Variants in CNTN3 observed in about 807,000 individuals in gnomAD.
CNTN3 encodes contactin 3.
Under a neutral mutation model 119.1 loss-of-function variants are expected in CNTN3, and 60 were observed. The ratio of observed to expected loss-of-function variants is 0.50; its 90% CI spans 0.41 to 0.62. The LOEUF (loss-of-function observed/expected upper bound fraction) is 0.62, where lower values mean the gene tolerates loss of function less well. Ranked by LOEUF, CNTN3 falls within the 20% of genes least tolerant of loss-of-function variation. The pLI is 0.00. For synonymous variants in CNTN3, 450 were observed against 438.7 expected (o/e 1.03, Z -0.32); for missense variants, 1,101 against 1,242.4 (o/e 0.89, Z 1.71).
chr3:74,594,273 CTTTTTTTTTT>C (rs59436860), intron 1 of CNTN3, among the ~76,000 whole-genome samples: 1 of 112,068 alleles, frequency 8.9e-6, no homozygotes. Context: ...TTCTTTTTTT[CTTTTTTTTTT>C]TTTTTTTACT....
At chr3:74,455,236 G>T (rs971502668) in intron 4 of CNTN3, among the ~76,000 whole-genome samples, 1 of 151,286 alleles carries the variant, frequency 6.6e-6, no homozygotes, top group Non-Finnish European at 1.5e-5. Flanking sequence ...TTCCCTTCTC[G>T]CTTCATTTCA....
At chr3:74,281,408 G>A (rs1244999314) in intron 20 of CNTN3, among the ~76,000 whole-genome samples, 1 of 152,040 alleles carries the variant, frequency 6.6e-6, no homozygotes, top group Non-Finnish European at 1.5e-5. Context: ...ACGGTTCAGT[G>A]CAGCTCTGAT....
At chr3:74,543,274 A>C (rs1319504905) in intron 1 of CNTN3, among the ~76,000 whole-genome samples, 1 of 152,196 alleles carries the variant, frequency 6.6e-6, no homozygotes, top group Non-Finnish European at 1.5e-5. Flanking sequence ...CCAAAAAATA[A>C]GATTTAAAAC....
At chr3:74,495,729 T>C (rs1703049957) in intron 3 of CNTN3, among the ~76,000 whole-genome samples, 1 of 152,080 alleles carries the variant, frequency 6.6e-6, no homozygotes, top group South Asian at 2.1e-4. Context: ...AAATTAAATA[T>C]GTGCAGGATG....
intron 4 of CNTN3, among the ~76,000 whole-genome samples, chr3:74,453,063 A>G (rs1485021856): frequency 6.6e-6 from 1 of 151,546 alleles, no homozygotes; most frequent in Non-Finnish European, 1.5e-5. Context: ...CTCTTTTTCT[A>G]TTGATTGGAA....
chr3:74,383,392 G>A (rs1162400771), intron 5 of CNTN3, among the ~76,000 whole-genome samples: 1 of 152,166 alleles, frequency 6.6e-6, no homozygotes, highest in South Asian at 2.1e-4. Flanking sequence ...GAATGAATGA[G>A]AGGCATCCTG....
chr3:74,422,218 C>T (rs1479316852), intron 5 of CNTN3, among the ~76,000 whole-genome samples: 1 of 152,172 alleles, frequency 6.6e-6, no homozygotes, highest in Non-Finnish European at 1.5e-5. Flanking sequence ...GCATTACAGA[C>T]ACTTGGATCA....
chr3:74,345,455 G>C (rs1703666618), intron 11 of CNTN3, among the ~76,000 whole-genome samples: 1 of 152,028 alleles, frequency 6.6e-6, no homozygotes, highest in Admixed American at 6.6e-5. Context: ...CTACTCCAAG[G>C]CTTCTAAAAA....
chr3:74,593,759 T>A (rs1184024828), intron 1 of CNTN3, among the ~76,000 whole-genome samples: 2 of 151,976 alleles, frequency 1.3e-5, no homozygotes, highest in African/African-American at 2.4e-5. Flanking sequence ...GGGATAAATA[T>A]TAGCTGCTGC....
At chr3:74,575,375 C>T (rs555872654) in intron 1 of CNTN3, among the ~76,000 whole-genome samples, 12 of 151,932 alleles carry the variant, frequency 7.9e-5, no homozygotes, top group Non-Finnish European at 1.8e-4. Context: ...CCTCAGCCTC[C>T]TGAGTAGCTG....
chr3:74,289,580 A>G (rs1191927531), intron 19 of CNTN3, among the ~76,000 whole-genome samples: 8 of 152,140 alleles, frequency 5.3e-5, no homozygotes, highest in Non-Finnish European at 7.3e-5. Flanking sequence ...ATCTCATCCC[A>G]AAGCCCAATA....
chr3:74,377,295 T>TTA (rs765771966), intron 5 of CNTN3, among the ~76,000 whole-genome samples: 4 of 151,956 alleles, frequency 2.6e-5, no homozygotes, highest in Non-Finnish European at 4.4e-5. Context: ...ATGACTATGT[T>TTA]TATATATATA....
chr3:74,375,545 G>A (rs1204932070), intron 5 of CNTN3, among the ~76,000 whole-genome samples: 1 of 152,120 alleles, frequency 6.6e-6, no homozygotes, highest in Non-Finnish European at 1.5e-5. Context: ...GTTCCAGATG[G>A]GCCTAATGTA....
At chr3:74,548,034 T>C (rs1423485217) in intron 1 of CNTN3, among the ~76,000 whole-genome samples, 1 of 152,170 alleles carries the variant, frequency 6.6e-6, no homozygotes. Flanking sequence ...TCAGTGCTAC[T>C]TACTAAATGA....
intron 1 of CNTN3, among the ~76,000 whole-genome samples, chr3:74,599,664 T>C (rs1187720635): frequency 6.6e-6 from 1 of 151,976 alleles, no homozygotes; most frequent in African/African-American, 2.4e-5. Context: ...AGTAATAGGA[T>C]ACAAAAAACC....
chr3:74,509,313 C>CTTT (rs11318453), intron 2 of CNTN3, among the ~76,000 whole-genome samples: 30 of 117,132 alleles, frequency 2.6e-4, no homozygotes, highest in African/African-American at 8.7e-4. Context: ...CCTTTCCTTT[C>CTTT]TTTTTTTTTT....
chr3:74,565,870 CAT>C (rs1250350122), intron 1 of CNTN3, among the ~76,000 whole-genome samples: 5 of 152,284 alleles, frequency 3.3e-5, no homozygotes, highest in South Asian at 2.1e-4. Flanking sequence ...ACAATTCCCA[CAT>C]GTCATGGGAG....
intron 4 of CNTN3, among the ~76,000 whole-genome samples, chr3:74,439,855 T>TA (rs1701932448): frequency 6.6e-6 from 1 of 152,198 alleles, no homozygotes; most frequent in East Asian, 1.9e-4. Context: ...CAACTCTAAT[T>TA]AAGTGCCTAC....
At chr3:74,541,650 G>A (rs1703844612) in intron 1 of CNTN3, among the ~76,000 whole-genome samples, 1 of 152,142 alleles carries the variant, frequency 6.6e-6, no homozygotes, top group South Asian at 2.1e-4. Context: ...CAAATAGGGA[G>A]GAACATAAAT....
Sources: gnomAD v4.1 joint callset for allele counts (sites outside exome capture counted in the v4.1 genomes callset) on GRCh38, gnomAD v4.1.1 for gene constraint, MANE v1.5 for transcripts, NCBI Gene and HGNC (gene_info 2026-07-23, HGNC 2026-07-21) for gene names.